NEK11: variants seen among roughly 807,000 people sequenced by gnomAD.
NEK11 encodes the protein serine/threonine-protein kinase Nek11.
In NEK11, 72 loss-of-function variants were observed where a neutral mutation model predicts 80.7. That is an observed-to-expected ratio of 0.89 (90% CI 0.74 to 1.08). The LOEUF is 1.08. Among genes scored for constraint, NEK11 ranks in the 50% least tolerant of loss-of-function variants. NEK11 has a pLI of 0.00. For synonymous variants in NEK11, 251 were observed against 260.7 expected (o/e 0.96, Z 0.36); for missense variants, 764 against 763.6 (o/e 1.00, Z -0.01).
intron 16 of NEK11, among the ~76,000 whole-genome samples, chr3:131,271,550 T>A (rs1248033564): frequency 6.6e-6 from 1 of 151,266 alleles, no homozygotes; most frequent in Non-Finnish European, 1.5e-5. Context: ...ATCCCAGCAC[T>A]TTGGCAGGCC....
At chr3:131,205,752 T>C (rs1046599255) in intron 14 of NEK11, among the ~76,000 whole-genome samples, 2 of 152,238 alleles carry the variant, frequency 1.3e-5, no homozygotes, top group African/African-American at 4.8e-5. Context: ...TGTGGACCTC[T>C]ACTTGATACT....
intron 17 of NEK11, among the ~76,000 whole-genome samples, chr3:131,314,132 T>A (rs1264317867): frequency 2.8e-5 from 4 of 144,096 alleles, no homozygotes; most frequent in Admixed American, 1.4e-4. Context: ...AGAAAAAGAG[T>A]GTGTGTGTGT....
intron 4 of NEK11, among the ~76,000 whole-genome samples, chr3:131,108,458 C>T (rs2079544275): frequency 6.6e-6 from 1 of 152,138 alleles, no homozygotes. Context: ...AACATTGAAT[C>T]CATCCTTTTC....
At chr3:131,039,232 G>A (rs2066092202) in intron 3 of NEK11, among the ~76,000 whole-genome samples, 1 of 152,058 alleles carries the variant, frequency 6.6e-6, no homozygotes, top group African/African-American at 2.4e-5. Flanking sequence ...ATAATAAAAA[G>A]TGAGCTGATT....
At chr3:131,275,177 C>A (rs911073715) in intron 17 of NEK11, among the ~76,000 whole-genome samples, 2 of 151,868 alleles carry the variant, frequency 1.3e-5, no homozygotes, top group African/African-American at 4.8e-5. Context: ...TTAATTTTTC[C>A]CTCTGTAGAG....
At chr3:131,083,391 G>A (rs1261717589) in intron 4 of NEK11, among the ~76,000 whole-genome samples, 5 of 152,218 alleles carry the variant, frequency 3.3e-5, no homozygotes, top group Admixed American at 3.3e-4. Context: ...AGACAGCTGT[G>A]GGGCCGCCTG....
chr3:131,095,556 C>T (rs1017880701), intron 4 of NEK11, among the ~76,000 whole-genome samples: 63 of 151,968 alleles, frequency 4.1e-4, no homozygotes, highest in African/African-American at 1.2e-3. Flanking sequence ...ATTAAAATTA[C>T]GAGTGATAGT....
At chr3:131,098,857 C>T (rs979142738) in intron 4 of NEK11, among the ~76,000 whole-genome samples, 5 of 151,348 alleles carry the variant, frequency 3.3e-5, no homozygotes, top group Non-Finnish European at 7.4e-5. Context: ...GATTTAACTT[C>T]CTTATAGATT....
chr3:131,071,572 T>C (rs1352395405), intron 3 of NEK11, among the ~76,000 whole-genome samples: 2 of 152,040 alleles, frequency 1.3e-5, no homozygotes, highest in African/African-American at 4.8e-5. Flanking sequence ...GGAATTTTAA[T>C]AATTTTGAAT....
chr3:131,310,872 C>T (rs190867977), intron 17 of NEK11, among the ~76,000 whole-genome samples: 33 of 152,254 alleles, frequency 2.2e-4, no homozygotes, highest in African/African-American at 2.9e-4. Flanking sequence ...ATACCCTTGA[C>T]GGGATGTCTG....
intron 3 of NEK11, among the ~76,000 whole-genome samples, chr3:131,048,538 G>T (rs2109937307): frequency 6.6e-6 from 1 of 152,326 alleles, no homozygotes; most frequent in Admixed American, 6.5e-5. Context: ...GGTAAGGTCA[G>T]ATCCTTCTGT....
At chr3:131,098,144 A>G (rs958441728) in intron 4 of NEK11, among the ~76,000 whole-genome samples, 1 of 152,098 alleles carries the variant, frequency 6.6e-6, no homozygotes, top group Admixed American at 6.6e-5. Flanking sequence ...CACCTTATAC[A>G]AAAATTAATT....
intron 15 of NEK11, among the ~76,000 whole-genome samples, chr3:131,234,417 GT>G (rs2095393580): frequency 6.6e-6 from 1 of 152,174 alleles, no homozygotes. Flanking sequence ...GAGGTCATCA[GT>G]TCTAAAAAGC....
intron 16 of NEK11, among the ~76,000 whole-genome samples, chr3:131,268,038 C>T (rs2096097052): frequency 6.6e-6 from 1 of 152,016 alleles, no homozygotes; most frequent in Admixed American, 6.6e-5. Flanking sequence ...TCTCTGATAT[C>T]CTTTCTTCCA....
chr3:131,227,405 C>T (rs1353218000), intron 14 of NEK11, among the ~76,000 whole-genome samples: 1 of 152,070 alleles, frequency 6.6e-6, no homozygotes, highest in Non-Finnish European at 1.5e-5. Context: ...AATTCTATTA[C>T]TCAATCTCAG....
intron 4 of NEK11, among the ~76,000 whole-genome samples, chr3:131,098,312 A>G (rs2077780170): frequency 6.6e-6 from 1 of 152,224 alleles, no homozygotes; most frequent in Non-Finnish European, 1.5e-5. Context: ...AATGCTATCT[A>G]ATTGAACTAA....
intron 10 of NEK11, among the ~76,000 whole-genome samples, chr3:131,158,274 G>A (rs1479388684): frequency 6.6e-6 from 1 of 152,136 alleles, no homozygotes; most frequent in African/African-American, 2.4e-5. Flanking sequence ...AGCTTCCTCA[G>A]GCTCACAGCC....
chr3:131,041,849 C>T (rs1234791951), intron 3 of NEK11, among the ~76,000 whole-genome samples: 1 of 152,182 alleles, frequency 6.6e-6, no homozygotes, highest in Non-Finnish European at 1.5e-5. Context: ...TCTGCAGCTC[C>T]CAGCGAGATC....
chr3:131,030,024 G>A, intron 3 of NEK11, 146 bp downstream of exon 3: 3 of 694,682 alleles, frequency 4.3e-6, no homozygotes, highest in Non-Finnish European at 4.9e-6. Context: ...CAGATCACTT[G>A]AGGCGAGGAG....
Sources: allele counts gnomAD v4.1 joint callset (sites outside exome capture counted in the v4.1 genomes callset), GRCh38; gene constraint gnomAD v4.1.1; transcripts MANE v1.5; gene names NCBI Gene and HGNC (gene_info 2026-07-23, HGNC 2026-07-21).